Variants in TSNAX observed in about 807,000 individuals in gnomAD.
TSNAX encodes the protein translin associated factor X.
A neutral mutation model predicts 33.0 loss-of-function variants in TSNAX; 12 were observed. That is an observed-to-expected ratio of 0.36 (90% CI 0.23 to 0.59). The LOEUF (loss-of-function observed/expected upper bound fraction) is 0.59. Among genes scored for constraint, TSNAX ranks in the 20% least tolerant of loss-of-function variants. The pLI is 0.74. For missense variants in TSNAX, 267 were observed against 341.3 expected (o/e 0.78, Z 1.72); for synonymous variants, 110 against 117.2 (o/e 0.94, Z 0.40).
Position 231,528,729 on chromosome 1 carries a change from GGTT to G in TSNAX, c.-81_-79del. 3 of 1,565,258 alleles carry G rather than the reference GGTT, an allele frequency of 1.9e-6. No homozygotes were observed. The highest frequency in any genetic ancestry group is 1.8e-6 in the Non-Finnish European group (2 of 1,138,546). On this transcript the variant is annotated 5_prime_UTR_variant, in exon 1 of 6. Coordinates refer to ENST00000366639, the MANE Select transcript of TSNAX (RefSeq NM_005999.3). The stretch of plus-strand genomic sequence containing the variant: ...CGTTTTTCTGCAGGCTGTTTTCCCA[GGTT>G]CCCTCGGCCTGTACCTCGCGCACTC...
intron 4 of TSNAX, among the ~76,000 whole-genome samples, chr1:231,554,219 A>T (rs1209029762): frequency 1.3e-5 from 2 of 152,206 alleles, no homozygotes; most frequent in African/African-American, 4.8e-5. Context: ...TCTGCCCTTC[A>T]TCAGTTTGAA....
chr1:231,563,587 CAAG>C (rs1335043221), intron 5 of TSNAX: 2 of 153,132 alleles, frequency 1.3e-5, no homozygotes, highest in Non-Finnish European at 2.9e-5. Context: ...TAACCTCAAA[CAAG>C]AGGAGGGACA....
chr1:231,532,368 T>G (rs1454434070), intron 2 of TSNAX, among the ~76,000 whole-genome samples: 1 of 151,872 alleles, frequency 6.6e-6, no homozygotes, highest in Non-Finnish European at 1.5e-5. Flanking sequence ...GTTTTTAGAT[T>G]TTTTTGTAGA....
chr1:231,548,068 C>T (rs1378244729), intron 4 of TSNAX, among the ~76,000 whole-genome samples: 4 of 149,002 alleles, frequency 2.7e-5, no homozygotes, highest in East Asian at 4.1e-4. Flanking sequence ...TCTTGATCTC[C>T]GTGATCCGCC....
intron 4 of TSNAX, among the ~76,000 whole-genome samples, chr1:231,546,852 A>G (rs935689335): frequency 1.3e-5 from 2 of 152,118 alleles, no homozygotes; most frequent in Non-Finnish European, 2.9e-5. Context: ...GCATCAACAT[A>G]GAGCTGACAG....
chr1:231,529,115 C>T (rs1658473589), intron 1 of TSNAX, 140 bp from the exon 2 acceptor site: 5 of 842,980 alleles, frequency 5.9e-6, no homozygotes, highest in South Asian at 1.8e-5. Context: ...GGCAGCGTCT[C>T]TGTCAGTCTG....
At chr1:231,542,301 A>G (rs1659626365) in intron 3 of TSNAX, among the ~76,000 whole-genome samples, 180 bp from the exon 4 acceptor site, 1 of 152,212 alleles carries the variant, frequency 6.6e-6, no homozygotes, top group Admixed American at 6.5e-5. Flanking sequence ...TACTTTTTTC[A>G]CTTAACAGTG....
chr1:231,532,350 C>T (rs1349187842), intron 2 of TSNAX, among the ~76,000 whole-genome samples: 1 of 151,930 alleles, frequency 6.6e-6, no homozygotes, highest in African/African-American at 2.4e-5. Flanking sequence ...TGCCACCACA[C>T]GTGGCTAGTT....
chr1:231,544,608 A>G (rs1200864520), intron 4 of TSNAX, among the ~76,000 whole-genome samples: 1 of 152,226 alleles, frequency 6.6e-6, no homozygotes, highest in African/African-American at 2.4e-5. Flanking sequence ...GACATATGGG[A>G]CATTTCAGAT....
chr1:231,558,806 C>T (rs1216276662), intron 4 of TSNAX, among the ~76,000 whole-genome samples: 1 of 152,038 alleles, frequency 6.6e-6, no homozygotes, highest in Non-Finnish European at 1.5e-5. Flanking sequence ...TAAATGACAT[C>T]ATCTGTTTTG....
intron 4 of TSNAX, among the ~76,000 whole-genome samples, chr1:231,547,841 CTTTT>C (rs35520639): frequency 8.1e-6 from 1 of 123,908 alleles, no homozygotes. Context: ...CCATTGCTTT[CTTTT>C]TTTTTTTTTT....
intron 4 of TSNAX, among the ~76,000 whole-genome samples, chr1:231,543,452 G>T (rs1008235824): frequency 6.6e-6 from 1 of 151,974 alleles, no homozygotes; most frequent in Non-Finnish European, 1.5e-5. Flanking sequence ...GCTCCAATGA[G>T]CATTTCTTTT....
intron 4 of TSNAX, among the ~76,000 whole-genome samples, chr1:231,553,968 G>A (rs374144328): frequency 7.9e-5 from 12 of 152,132 alleles, no homozygotes; most frequent in African/African-American, 9.7e-5. Context: ...TTACAGGCGT[G>A]AGCCACCACG....
intron 5 of TSNAX, among the ~76,000 whole-genome samples, chr1:231,561,870 C>T (rs187261725): frequency 3.3e-5 from 5 of 152,250 alleles, no homozygotes; most frequent in African/African-American, 9.6e-5. Flanking sequence ...ACATTATATA[C>T]AGCACCTGAC....
chr1:231,541,569 A>G (rs1474534055), intron 3 of TSNAX, among the ~76,000 whole-genome samples: 1 of 149,208 alleles, frequency 6.7e-6, no homozygotes, highest in Non-Finnish European at 1.5e-5. Flanking sequence ...TTTTTACTTT[A>G]AACAGTATGA....
intron 4 of TSNAX, among the ~76,000 whole-genome samples, chr1:231,543,023 C>G (rs1409476783): frequency 4.0e-5 from 6 of 151,864 alleles, no homozygotes; most frequent in Admixed American, 2.6e-4. Context: ...CTAAAAAATA[C>G]AAAACTTAGC....
chr1:231,528,871 G>T lies in TSNAX; in HGVS notation c.16+45G>T. The T allele has an allele frequency of 2.5e-6, 4 of 1,612,616 alleles. 1 individual carries two copies. The highest frequency in any genetic ancestry group is 1.7e-4 in the Middle Eastern group (1 of 6,054). On this transcript the variant is annotated intron_variant, in intron 1 of 5. Transcript: ENST00000366639. ...GGGGCGTTATTTATCCGGAGGGGGA[G>T]GTTCTCCAGTCTTTCTATGCAGTTT...
chr1:231,536,512 T>A (rs1659186567), intron 2 of TSNAX: 1 of 152,244 alleles, frequency 6.6e-6, no homozygotes, highest in Admixed American at 6.5e-5. Context: ...TTACTACAAT[T>A]GACAGATTTT....
rs568025672 is a variant in TSNAX at position 231,564,783 on chromosome 1, G to A, written c.751G>A (p.Ala251Thr). The A allele has an allele frequency of 5.5e-5, 88 of 1,614,162 alleles. No homozygotes were observed. The highest frequency in any genetic ancestry group is 3.3e-4 in the Middle Eastern group (2 of 6,062). ...KKLYTLKQSLAKVENACYALK... is the reference protein window; with the variant it reads ...KKLYTLKQSLTKVENACYALK... Reference sequence around the variant, plus strand: ...GCTGTATACCTTGAAACAAAGTTTGGCCAAAGTGGAGAATGCTTGTTATGC... The same window carrying A: ...GCTGTATACCTTGAAACAAAGTTTGACCAAAGTGGAGAATGCTTGTTATGC... Residue 251 changes from alanine (A) to threonine (T), a missense_variant, in exon 6 of 6, where the codon GCC becomes ACC. By Grantham distance (58) the Ala-to-Thr change is moderately conservative (BLOSUM62 0). Around this residue, in one of 2 missense-constraint regions of TSNAX, gnomAD observed 67 missense variants for 127.2 expected, o/e 0.53. Coordinates refer to ENST00000366639, the MANE Select transcript of TSNAX (RefSeq NM_005999.3).
Sources: gnomAD v4.1 joint callset for allele counts (sites outside exome capture counted in the v4.1 genomes callset) on GRCh38, gnomAD v4.1.1 for gene constraint, gnomAD v4.1.1 regional missense constraint, MANE v1.5 for transcripts, NCBI Gene and HGNC (gene_info 2026-07-23, HGNC 2026-07-21) for gene names.